AATF: variants seen among roughly 807,000 people sequenced by gnomAD.
AATF encodes the protein apoptosis antagonizing transcription factor.
AATF carries 48 observed loss-of-function variants against 63.7 expected under a neutral mutation model. That is an observed-to-expected ratio of 0.75 (90% CI 0.60 to 0.96). AATF has a LOEUF of 0.96. Ranked by LOEUF, AATF falls within the 40% of genes least tolerant of loss-of-function variation. The probability of loss-of-function intolerance (pLI) is 0.00; values close to 1 mark genes in which losing one functional copy is unlikely to be tolerated. For synonymous variants in AATF, 258 were observed against 247.7 expected (o/e 1.04, Z -0.39); for missense variants, 639 against 685.7 (o/e 0.93, Z 0.76).
intron 11 of AATF, chr17:37,045,548 CG>C (rs2071682556): frequency 6.6e-6 from 1 of 152,382 alleles, no homozygotes; most frequent in African/African-American, 2.4e-5. Context: ...GCTGCAAAGA[CG>C]AGCAATTGTT....
At chr17:36,985,979 A>G (rs2071165837) in intron 4 of AATF, among the ~76,000 whole-genome samples, 1 of 152,222 alleles carries the variant, frequency 6.6e-6, no homozygotes, top group East Asian at 1.9e-4. Context: ...CAAATTTTTA[A>G]TATACAATTC....
At chr17:37,030,887 G>C (rs910361451) in intron 10 of AATF, among the ~76,000 whole-genome samples, 4 of 152,140 alleles carry the variant, frequency 2.6e-5, no homozygotes, top group Non-Finnish European at 5.9e-5. Flanking sequence ...AATGAAAAAT[G>C]CTTAAGATAT....
At chr17:37,048,854 AC>A (rs2071720067) in intron 11 of AATF, among the ~76,000 whole-genome samples, 1 of 152,188 alleles carries the variant, frequency 6.6e-6, no homozygotes, top group Non-Finnish European at 1.5e-5. Context: ...TTGTAAAGTC[AC>A]TGATACCGAG....
chr17:36,966,041 G>A (rs1268607331), intron 4 of AATF, among the ~76,000 whole-genome samples: 1 of 151,874 alleles, frequency 6.6e-6, no homozygotes. Flanking sequence ...TCAGTTTTGG[G>A]AAAATCTTTT....
intron 11 of AATF, among the ~76,000 whole-genome samples, chr17:37,039,192 A>G (rs2071617065): frequency 6.6e-6 from 1 of 152,212 alleles, no homozygotes; most frequent in Non-Finnish European, 1.5e-5. Flanking sequence ...AGAACACATC[A>G]GCTAATAACC....
At chr17:37,020,593 A>G (rs2071461547) in intron 9 of AATF, among the ~76,000 whole-genome samples, 1 of 152,246 alleles carries the variant, frequency 6.6e-6, no homozygotes, top group Admixed American at 6.5e-5. Context: ...GTAACAGAAC[A>G]TGCTGCATAG....
intron 8 of AATF, among the ~76,000 whole-genome samples, chr17:36,994,814 A>G (rs1354876352): frequency 6.6e-6 from 1 of 152,186 alleles, no homozygotes; most frequent in Non-Finnish European, 1.5e-5. Context: ...GATAAGCCTA[A>G]GTTTTTAAAG....
chr17:36,960,453 G>A (rs1206001147), intron 4 of AATF, among the ~76,000 whole-genome samples: 1 of 151,834 alleles, frequency 6.6e-6, no homozygotes, highest in Non-Finnish European at 1.5e-5. Flanking sequence ...TTTTAAGTAG[G>A]CAGTACATTC....
At chr17:36,970,402 A>G (rs2142223975) in intron 4 of AATF, among the ~76,000 whole-genome samples, 1 of 152,304 alleles carries the variant, frequency 6.6e-6, no homozygotes, top group African/African-American at 2.4e-5. Context: ...TTACTTTTTA[A>G]AAAAGTTACC....
At chr17:36,969,985 C>G (rs993868988) in intron 4 of AATF, among the ~76,000 whole-genome samples, 13 of 152,136 alleles carry the variant, frequency 8.5e-5, no homozygotes, top group Non-Finnish European at 2.9e-5. Flanking sequence ...GTCAGTAGTT[C>G]ATTGCCTTTT....
chr17:37,039,421 G>A (rs981829080), intron 11 of AATF, among the ~76,000 whole-genome samples: 1 of 152,164 alleles, frequency 6.6e-6, no homozygotes, highest in African/African-American at 2.4e-5. Context: ...GTCATTAAAG[G>A]CTCCCATTAC....
chr17:36,979,961 A>G (rs2142235974), intron 4 of AATF, among the ~76,000 whole-genome samples: 1 of 152,350 alleles, frequency 6.6e-6, no homozygotes, highest in East Asian at 1.9e-4. Flanking sequence ...GAGTCTGTGA[A>G]TACTGTCCAA....
chr17:36,984,340 C>A (rs2071150420), intron 4 of AATF, among the ~76,000 whole-genome samples: 1 of 152,062 alleles, frequency 6.6e-6, no homozygotes, highest in African/African-American at 2.4e-5. Flanking sequence ...ATAAGAGCAC[C>A]CAAATGTGAG....
At chr17:36,988,798 A>G (rs2071190178) in intron 6 of AATF, 78 bp downstream of exon 6, 3 of 1,373,696 alleles carry the variant, frequency 2.2e-6, no homozygotes, top group Middle Eastern at 2.5e-4. Context: ...TTGGAACTAC[A>G]GCTCATTTAT....
chr17:37,047,185 A>T (rs944739520), intron 11 of AATF, among the ~76,000 whole-genome samples: 3 of 152,168 alleles, frequency 2.0e-5, no homozygotes, highest in Non-Finnish European at 4.4e-5. Flanking sequence ...TCTGTTATAA[A>T]ACAGTCAAAC....
chr17:37,056,262 T>A (rs573144526), intron 11 of AATF: 3 of 240,532 alleles, frequency 1.2e-5, no homozygotes, highest in Non-Finnish European at 1.6e-5. Flanking sequence ...CCATGTCTGA[T>A]TGAATCCTCC....
chr17:36,979,080 G>T (rs1403876770), intron 4 of AATF, among the ~76,000 whole-genome samples: 1 of 151,956 alleles, frequency 6.6e-6, no homozygotes, highest in Non-Finnish European at 1.5e-5. Flanking sequence ...TAATAAATTT[G>T]TGTCTTTTTT....
intron 7 of AATF, 104 bp downstream of exon 7, chr17:36,989,515 A>G (rs2071197001): frequency 1.7e-6 from 2 of 1,204,216 alleles, no homozygotes; most frequent in South Asian, 2.2e-5. Flanking sequence ...GGTTAGTGAG[A>G]GAAAGGAAAG....
chr17:37,050,426 A>G (rs1158699632), intron 11 of AATF, among the ~76,000 whole-genome samples: 1 of 152,270 alleles, frequency 6.6e-6, no homozygotes, highest in African/African-American at 2.4e-5. Flanking sequence ...CAGGAATCAT[A>G]TACATCTAGT....
Sources: gnomAD v4.1 joint callset for allele counts (sites outside exome capture counted in the v4.1 genomes callset) on GRCh38, gnomAD v4.1.1 for gene constraint, MANE v1.5 for transcripts, NCBI Gene and HGNC (gene_info 2026-07-23, HGNC 2026-07-21) for gene names.